FCRL5: variants seen among roughly 807,000 people sequenced by gnomAD.
The protein encoded by FCRL5 is Fc receptor like 5.
FCRL5 carries 79 observed loss-of-function variants against 92.1 expected under a neutral mutation model. The observed-to-expected ratio is 0.86, with a 90% CI of 0.72 to 1.03. FCRL5 has a LOEUF of 1.03. Ranked by LOEUF, FCRL5 falls within the 50% of genes least tolerant of loss-of-function variation. FCRL5 has a pLI of 0.00. For missense variants in FCRL5, 1,160 were observed against 1,181.1 expected (o/e 0.98, Z 0.26); for synonymous variants, 466 against 469.3 (o/e 0.99, Z 0.09).
intron 6 of FCRL5, 68 bp from the exon 7 acceptor site, chr1:157,539,432 T>C: frequency 2.8e-6 from 4 of 1,452,448 alleles, no homozygotes; most frequent in Non-Finnish European, 3.7e-6. Flanking sequence ...AAAAGGAAAA[T>C]AAATCTTGGG....
In FCRL5 at chr1:157,547,051, G is replaced by A. The variant is rs755890554; in HGVS notation, c.199C>T (p.Leu67=). 6.2e-7 allele frequency: 1 copy of A among 1,614,158 alleles called. No individual in the cohort carries two copies. Among genetic ancestry groups the A allele is most frequent in the Non-Finnish European group, 8.5e-7 (1 of 1,180,028 alleles). ...AGGATATTGTCTGGGGTTTCTCTTAGTATTTCTTTCCCAAGGTACCGATGG... is the reference window on the plus strand; with the variant it reads ...AGGATATTGTCTGGGGTTTCTCTTAATATTTCTTTCCCAAGGTACCGATGG... ...WYHRYLGKEI[L]RETPDNILEV... The change falls in exon 3 of 17, where the codon CTA becomes TTA. Residue 67 remains leucine, a synonymous_variant. Coordinates refer to ENST00000361835, the MANE Select transcript of FCRL5 (RefSeq NM_031281.3).
At position 157,524,437 on chromosome 1, in the gene FCRL5, T is replaced by C. The variant is rs1309015010; in HGVS notation, c.2081A>G (p.Tyr694Cys). Residue 694 changes from tyrosine to cysteine, a missense_variant, in exon 10 of 17, where the codon TAT (tyrosine) becomes TGT (cysteine). By Grantham distance (194) the Tyr-to-Cys change is radical (BLOSUM62 -2). Coordinates refer to ENST00000361835, the MANE Select transcript of FCRL5 (RefSeq NM_031281.3). Reference protein sequence around the residue: ...RGSSPILYWFYHEDVTLGKIS... With the variant: ...RGSSPILYWFCHEDVTLGKIS... ...CTTACCCAGGGTGACATCTTCATGA[T>C]AAAACCAGTACAGGATTGGGGAGGA... 1 of 1,614,176 alleles carries C rather than the reference T, an allele frequency of 6.2e-7. No individual in the cohort carries two copies. Among genetic ancestry groups the C allele is most frequent in the South Asian group, 1.1e-5 (1 of 91,086 alleles).
chr1:157,546,819 C>T (rs1651560629), intron 3 of FCRL5, 124 bp downstream of exon 3: 5 of 1,228,804 alleles, frequency 4.1e-6, no homozygotes, highest in Non-Finnish European at 5.6e-6. Context: ...CTCTCCTTGT[C>T]TTACCACAGT....
chr1:157,517,513 G>A (rs531469530), intron 15 of FCRL5, among the ~76,000 whole-genome samples: 26 of 152,186 alleles, frequency 1.7e-4, no homozygotes, highest in Admixed American at 1.4e-3. Flanking sequence ...ACTTTTCTCA[G>A]GTGAGGTCAG....
chr1:157,542,485 C>T (rs1651312924), intron 6 of FCRL5: 1 of 201,238 alleles, frequency 5.0e-6, no homozygotes, highest in African/African-American at 2.3e-5. Flanking sequence ...ATTAACAGAA[C>T]AGGAGATACC....
Position 157,514,803 on chromosome 1 carries a change from C to G in FCRL5, c.*872G>C, listed in dbSNP as rs1649849157. On this transcript the variant is annotated 3_prime_UTR_variant, in exon 17 of 17. Transcript: ENST00000361835. ...CTCTTCCATTGTTTCTTAGGGAAGC[C>G]AGAATACCTCCCGGATTTCCTAGGG... The G allele has an allele frequency of 6.6e-6, 1 of 152,224 alleles. No individual in the cohort carries two copies. The highest frequency in any genetic ancestry group is 2.4e-5 in the African/African-American group (1 of 41,458). 9.4% of individuals were successfully genotyped at this position (152,224 alleles called of 1,614,324 possible).
intron 6 of FCRL5, among the ~76,000 whole-genome samples, chr1:157,539,755 G>A (rs753317347): frequency 1.1e-4 from 17 of 152,170 alleles, no homozygotes; most frequent in Non-Finnish European, 2.1e-4. Context: ...TTATTTCCCT[G>A]ACTTAAAAAT....
chr1:157,546,419 G>C, intron 3 of FCRL5: 1 of 299,864 alleles, frequency 3.3e-6, no homozygotes, highest in South Asian at 2.7e-5. Flanking sequence ...CTGCACTCCA[G>C]CCTGGGTGAC....
intron 15 of FCRL5, 99 bp from the exon 16 acceptor site, chr1:157,515,972 C>A (rs1649910283): frequency 7.5e-7 from 1 of 1,338,032 alleles, no homozygotes; most frequent in South Asian, 1.2e-5. Context: ...TGGAGGCCCG[C>A]TCTCCCTCTG....
chr1:157,521,041 C>T lies in FCRL5; in HGVS notation c.2491G>A (p.Glu831Lys). The change falls in exon 11 of 17, where the codon GAG becomes AAG. Residue 831 changes from glutamate (E) to lysine (K), a missense_variant. Glu to Lys is a moderately conservative substitution (Grantham distance 56, BLOSUM62 1). Coordinates refer to ENST00000361835, the MANE Select transcript of FCRL5 (RefSeq NM_031281.3). ...CCTGTGATATAAAGTGTCACTGTCT[C>T]ACTGCGCTGGGCCCCGAGGCCATTG... ...ADNGLGAQRSETVTLYITGLT... is the reference protein window; with the variant it reads ...ADNGLGAQRSKTVTLYITGLT... 3 of 1,611,430 alleles carry T rather than the reference C, an allele frequency of 1.9e-6. No homozygotes were observed. Among genetic ancestry groups the T allele is most frequent in the South Asian group, 1.1e-5 (1 of 90,688 alleles).
intron 1 of FCRL5, among the ~76,000 whole-genome samples, chr1:157,551,558 C>T (rs1651811544): frequency 6.6e-6 from 1 of 152,196 alleles, no homozygotes; most frequent in Non-Finnish European, 1.5e-5. Flanking sequence ...GTACATTGGC[C>T]TTGCTGGGAG....
At chr1:157,526,198 A>C (rs145430387) in intron 9 of FCRL5, among the ~76,000 whole-genome samples, 2 of 152,226 alleles carry the variant, frequency 1.3e-5, no homozygotes, top group Admixed American at 6.5e-5. Context: ...GGGTTTCAAG[A>C]AGGAAGAAAT....
At position 157,524,309 on chromosome 1, in the gene FCRL5, G is replaced by T. The variant is rs769954572; in HGVS notation, c.2209C>A (p.Arg737Ser). The change falls in exon 10 of 17, where the codon CGC (arginine) becomes AGC (serine). Residue 737 changes from arginine to serine, a missense_variant. Transcript: ENST00000361835. ...ACTTTCAGTGTCACCATCTCACTGCGCTGGGCCTCCAGACCATTGTCTGCC... is the reference window on the plus strand; with the variant it reads ...ACTTTCAGTGTCACCATCTCACTGCTCTGGGCCTCCAGACCATTGTCTGCC... ...CEADNGLEAQ[R>S]SEMVTLKVAV... is the part of the protein sequence containing the mutation. 1.2e-6 allele frequency: 2 copies of T among 1,614,148 alleles called. No homozygotes were observed. The highest frequency in any genetic ancestry group is 1.3e-5 in the African/African-American group (1 of 74,950).
At chr1:157,519,515 A>G (rs1316600132) in intron 13 of FCRL5, among the ~76,000 whole-genome samples, 9 of 152,186 alleles carry the variant, frequency 5.9e-5, no homozygotes, top group Admixed American at 5.9e-4. Flanking sequence ...ATAAATGAAA[A>G]GGCAATTAAT....
chr1:157,552,080 A>G (rs1651845333), intron 1 of FCRL5, among the ~76,000 whole-genome samples: 1 of 152,236 alleles, frequency 6.6e-6, no homozygotes, highest in South Asian at 2.1e-4. Context: ...AGAAAAAAAT[A>G]AATGAAATTT....
At chr1:157,518,323 G>T in intron 15 of FCRL5, 106 bp downstream of exon 15, 1 of 924,800 alleles carries the variant, frequency 1.1e-6, no homozygotes, top group East Asian at 2.4e-5. Context: ...CCCAGTGGGA[G>T]GGGCGGCTCT....
chr1:157,547,409 T>C (rs1282194960), intron 2 of FCRL5: 4 of 750,678 alleles, frequency 5.3e-6, no homozygotes, highest in Non-Finnish European at 9.7e-6. Flanking sequence ...AGCAAAATGA[T>C]TTCAGGAGGG....
intron 7 of FCRL5, among the ~76,000 whole-genome samples, chr1:157,535,728 A>G (rs1399128499): frequency 6.6e-6 from 1 of 152,166 alleles, no homozygotes; most frequent in Non-Finnish European, 1.5e-5. Flanking sequence ...GTGAATATCT[A>G]TATGTATAAA....
chr1:157,517,509 C>T (rs1319196589), intron 15 of FCRL5, among the ~76,000 whole-genome samples: 1 of 152,080 alleles, frequency 6.6e-6, no homozygotes, highest in Non-Finnish European at 1.5e-5. Context: ...AAGGACTTTT[C>T]TCAGGTGAGG....
Sources: allele counts gnomAD v4.1 joint callset (sites outside exome capture counted in the v4.1 genomes callset), GRCh38; gene constraint gnomAD v4.1.1; transcripts MANE v1.5; gene names NCBI Gene and HGNC (gene_info 2026-07-23, HGNC 2026-07-21).